The following FKBP1A variants were observed in gnomAD, a reference collection of about 807,000 sequenced individuals.
FKBP1A encodes FKBP prolyl isomerase 1A, also known as peptidyl-prolyl cis-trans isomerase FKBP1A.
In FKBP1A, 5 loss-of-function variants were observed where a neutral mutation model predicts 14.2. That is an observed-to-expected ratio of 0.35 (90% confidence interval 0.18 to 0.74). The LOEUF (loss-of-function observed/expected upper bound fraction) is 0.74, where lower values mean the gene tolerates loss of function less well. Ranked by LOEUF, FKBP1A falls within the 30% of genes least tolerant of loss-of-function variation. The probability of loss-of-function intolerance (pLI) is 0.56; values close to 1 mark genes in which losing one functional copy is unlikely to be tolerated. For missense variants in FKBP1A, 53 were observed against 138.8 expected, an observed-to-expected ratio of 0.38 and a Z score of 3.10; for synonymous variants, 42 against 49.1, an observed-to-expected ratio of 0.86 and a Z score of 0.60.
chr20:1,392,762 G>T, intron 2 of FKBP1A, 72 bp downstream of exon 2: 1 of 1,215,690 alleles, frequency 8.2e-7, no homozygotes, highest in Non-Finnish European at 1.1e-6. Flanking sequence ...GGGCCCCCAG[G>T]CCTCGACGGC....
intron 2 of FKBP1A, among the ~76,000 whole-genome samples, chr20:1,385,080 TGGG>T (rs1389502728): frequency 6.6e-6 from 1 of 152,016 alleles, no homozygotes; most frequent in Non-Finnish European, 1.5e-5. Flanking sequence ...TTATATCGCA[TGGG>T]GAGGGGGAGA....
chr20:1,383,392 CA>C (rs932027057), intron 2 of FKBP1A, among the ~76,000 whole-genome samples: 4 of 149,752 alleles, frequency 2.7e-5, no homozygotes, highest in Non-Finnish European at 6.0e-5. Flanking sequence ...TCAAACATAA[CA>C]AAAAACCAGA....
chr20:1,388,889 CCTGTTCCTCTAACGCACCGGTCTTCTTA>C (rs1199047603), intron 2 of FKBP1A, among the ~76,000 whole-genome samples: 6 of 152,222 alleles, frequency 3.9e-5, no homozygotes, highest in African/African-American at 1.2e-4. Context: ...CAATCCACTT[CCTGTTCCTCTAACGCACCGGTCTTCTTA>C]CTGTTCCTCT....
At chr20:1,381,263 TA>T (rs1312706264) in intron 2 of FKBP1A, among the ~76,000 whole-genome samples, 1 of 151,742 alleles carries the variant, frequency 6.6e-6, no homozygotes, top group Non-Finnish European at 1.5e-5. Context: ...AGAAAACCAA[TA>T]AAAAAGGGCT....
chr20:1,376,642 T>C (rs1212294067), intron 2 of FKBP1A, among the ~76,000 whole-genome samples: 1 of 151,416 alleles, frequency 6.6e-6, no homozygotes, highest in South Asian at 2.1e-4. Context: ...ACTATCCCCA[T>C]TTCACAGATG....
At chr20:1,392,740 ACCCCAGGCCCCGGGC>A (rs1284426368) in intron 2 of FKBP1A, 79 bp downstream of exon 2, 2 of 896,448 alleles carry the variant, frequency 2.2e-6, no homozygotes, top group Admixed American at 4.4e-5. Flanking sequence ...CACGCCCCGG[ACCCCAGGCCCCGGGC>A]CCCCAGGCCT....
intron 3 of FKBP1A, among the ~76,000 whole-genome samples, chr20:1,374,873 G>A (rs113728805): frequency 0.013 from 1,966 of 152,210 alleles, 53 homozygotes; most frequent in African/African-American, 0.045. Context: ...TTTCGCTCTC[G>A]TCATCCAGGC....
intron 2 of FKBP1A, among the ~76,000 whole-genome samples, chr20:1,388,880 A>C (rs1053234225): frequency 1.3e-5 from 2 of 152,050 alleles, no homozygotes; most frequent in African/African-American, 4.8e-5. Context: ...CCTTTCACAC[A>C]ATCCACTTCC....
At chr20:1,381,957 AT>A (rs542543319) in intron 2 of FKBP1A, among the ~76,000 whole-genome samples, 27 of 152,340 alleles carry the variant, frequency 1.8e-4, no homozygotes, top group Non-Finnish European at 3.7e-4. Context: ...ACACATCAAA[AT>A]TTATGAAGCT....
At chr20:1,375,415 G>T (rs758888107) in intron 3 of FKBP1A, 76 bp downstream of exon 3, 2 of 1,050,622 alleles carry the variant, frequency 1.9e-6, no homozygotes, top group Admixed American at 2.0e-5. Context: ...TTTTTGAACC[G>T]TATAAATATG....
intron 4 of FKBP1A, chr20:1,371,831 A>G: frequency 8.4e-7 from 1 of 1,194,892 alleles, no homozygotes; most frequent in East Asian, 3.9e-5. Context: ...AAAAACATTT[A>G]AACAGCTGCC....
Position 1,386,869 on chromosome 20 carries a change from G to C in FKBP1A, c.85+5965C>G, listed in dbSNP as rs1225666946. 6.6e-6 allele frequency among the ~76,000 whole-genome samples: 1 copy of C among 152,170 alleles called. No individual in the cohort carries two copies. The highest frequency in any genetic ancestry group is 6.5e-5 in the Admixed American group (1 of 15,286). On this transcript the variant is annotated intron_variant, in intron 2 of 4. Coordinates refer to ENST00000400137, the MANE Select transcript of FKBP1A (RefSeq NM_000801.5). The surrounding 1 kb of genome is among the most constrained non-coding windows in gnomAD (Gnocchi z 4.7). ...ACCTGGTCAAAATCAAAGGGGTCCA[G>C]GGGAGGGAATGCAGAGACTTGGTTA...
At position 1,379,757 on chromosome 20, in the gene FKBP1A, G is replaced by A. The variant is rs889074763; in HGVS notation, c.86-4154C>T. Among the ~76,000 whole-genome samples, 14 of 152,086 alleles carry A rather than the reference G, an allele frequency of 9.2e-5. No individual in the cohort carries two copies. Among genetic ancestry groups the A allele is most frequent in the South Asian group, 4.1e-4 (2 of 4,826 alleles). On this transcript the variant is annotated intron_variant, in intron 2 of 4. Coordinates refer to ENST00000400137, the MANE Select transcript of FKBP1A (RefSeq NM_000801.5). The surrounding 1 kb of genome is among the most constrained non-coding windows in gnomAD (Gnocchi z 4.3). ...GAGAGGATTTCCCATAATCGAGTCCGAAAGCTAAACAATAATCCCCCGAAA... is the reference window on the plus strand; with the variant it reads ...GAGAGGATTTCCCATAATCGAGTCCAAAAGCTAAACAATAATCCCCCGAAA...
intron 4 of FKBP1A, chr20:1,370,893 TG>T (rs2089454882): frequency 2.0e-6 from 2 of 985,340 alleles, no homozygotes; most frequent in Non-Finnish European, 2.4e-6. Flanking sequence ...ACAAAGGCCC[TG>T]TAAAGTGCCA....
chr20:1,375,130 G>A (rs62187549), intron 3 of FKBP1A, among the ~76,000 whole-genome samples: 12,207 of 152,194 alleles, frequency 0.08, 581 homozygotes, highest in Middle Eastern at 0.15. Flanking sequence ...CCTGACCTCA[G>A]GTGATCCACC....
At chr20:1,377,043 CACAAA>C (rs2089554421) in intron 2 of FKBP1A, 1 of 152,134 alleles carries the variant, frequency 6.6e-6, no homozygotes, top group African/African-American at 2.4e-5. Context: ...ATATAATGGA[CACAAA>C]ACTGATTTTA....
chr20:1,384,971 C>T (rs188844981), intron 2 of FKBP1A, among the ~76,000 whole-genome samples: 61 of 152,292 alleles, frequency 4.0e-4, no homozygotes, highest in Admixed American at 3.3e-3. Context: ...CAGGATCCAA[C>T]GGCAATAAAA....
In FKBP1A at chr20:1,379,373, A is replaced by G. The variant is rs2089591978; in HGVS notation, c.86-3770T>C. ...GAATCTGCTGCTGCTGCTGCTGCTG[A>G]GCCAGCATGGAGATGTGTATGTTCT... On this transcript the variant is annotated intron_variant, in intron 2 of 4. Transcript: ENST00000400137. This position sits in a 1 kb window ranked among gnomAD's most constrained non-coding sequence, Gnocchi z 4.3. Among the ~76,000 whole-genome samples the G allele has an allele frequency of 6.6e-6, 1 of 152,160 alleles. No individual in the cohort carries two copies. The highest frequency in any genetic ancestry group is 2.4e-5 in the African/African-American group (1 of 41,432).
Position 1,386,901 on chromosome 20 carries a change from T to C in FKBP1A, c.85+5933A>G, listed in dbSNP as rs191774802. 2.0e-5 allele frequency among the ~76,000 whole-genome samples: 3 copies of C among 152,236 alleles called. No homozygotes were observed. In the East Asian group the frequency reaches 5.8e-4, roughly 29 times the overall value. ...GAATGCAGAGACTTGGTTAAGCTTT[T>C]TAGCAGGAAAAGAAAACAAAAAAAC... On this transcript the variant is annotated intron_variant, in intron 2 of 4. Coordinates refer to ENST00000400137, the MANE Select transcript of FKBP1A (RefSeq NM_000801.5). The surrounding 1 kb of genome is among the most constrained non-coding windows in gnomAD (Gnocchi z 4.7).
Sources: gnomAD v4.1 joint callset for allele counts (sites outside exome capture counted in the v4.1 genomes callset) on GRCh38, gnomAD v4.1.1 for gene constraint, Gnocchi (gnomAD v3.1) non-coding constraint, MANE v1.5 for transcripts, NCBI Gene and HGNC (gene_info 2026-07-23, HGNC 2026-07-21) for gene names.